CPNE8: variants seen among roughly 807,000 people sequenced by gnomAD.
The protein encoded by CPNE8 is copine 8.
CPNE8 carries 45 observed loss-of-function variants against 81.5 expected under a neutral mutation model. That is an observed-to-expected ratio of 0.55 (90% CI 0.44 to 0.71). The LOEUF is 0.71. CPNE8 is among the 30% of genes least tolerant of loss of function. The pLI is 0.00. For synonymous variants in CPNE8, 252 were observed against 226.3 expected (o/e 1.11, Z -1.02); for missense variants, 594 against 672.1 (o/e 0.88, Z 1.28).
rs138395899 is a variant in CPNE8 at position 38,792,896 on chromosome 12, G to C, written c.408-16595C>G. Among the ~76,000 whole-genome samples, 82 of 151,922 alleles carry C rather than the reference G, an allele frequency of 5.4e-4. 1 individual carries two copies. In the East Asian group the frequency reaches 0.015, roughly 28 times the overall value. On this transcript the variant is annotated intron_variant, in intron 6 of 19. Coordinates refer to ENST00000331366, the MANE Select transcript of CPNE8 (RefSeq NM_153634.3). ...AAGAATTATACACCATCACCAGCTG[G>C]TATTTATGTTTGGGATACAAGGATA... is the stretch of plus-strand genomic sequence containing the variant.
At chr12:38,664,322 A>C (rs1197629535) in intron 19 of CPNE8, among the ~76,000 whole-genome samples, 1 of 152,082 alleles carries the variant, frequency 6.6e-6, no homozygotes, top group Non-Finnish European at 1.5e-5. Flanking sequence ...GTTAAAACTT[A>C]AAGTGCTTAA....
intron 3 of CPNE8, among the ~76,000 whole-genome samples, chr12:38,862,297 A>G (rs1331454578): frequency 7.0e-6 from 1 of 142,206 alleles, no homozygotes; most frequent in Non-Finnish European, 1.5e-5. Flanking sequence ...CTCTTATATA[A>G]TCCTGAAGAT....
At chr12:38,755,758 C>T (rs1355992882) in intron 10 of CPNE8, among the ~76,000 whole-genome samples, 1 of 151,178 alleles carries the variant, frequency 6.6e-6, no homozygotes, top group Non-Finnish European at 1.5e-5. Context: ...GAACAGGTAA[C>T]GGCCGGGCGC....
intron 3 of CPNE8, among the ~76,000 whole-genome samples, chr12:38,862,660 A>G (rs1013907555): frequency 2.6e-5 from 4 of 152,210 alleles, no homozygotes; most frequent in African/African-American, 9.7e-5. Flanking sequence ...AGAACTTAGA[A>G]GAGAAAGGCT....
chr12:38,661,051 G>T (rs1384806617), intron 19 of CPNE8, among the ~76,000 whole-genome samples: 1 of 152,120 alleles, frequency 6.6e-6, no homozygotes, highest in African/African-American at 2.4e-5. Context: ...ACAGTGTGGC[G>T]ATTCCTCAAG....
At chr12:38,662,285 A>C (rs1171390508) in intron 19 of CPNE8, among the ~76,000 whole-genome samples, 2 of 152,162 alleles carry the variant, frequency 1.3e-5, no homozygotes, top group Non-Finnish European at 2.9e-5. Context: ...AACTGTCGGA[A>C]CTAATAAGTG....
At chr12:38,755,956 C>T (rs543841241) in intron 10 of CPNE8, among the ~76,000 whole-genome samples, 4 of 146,446 alleles carry the variant, frequency 2.7e-5, no homozygotes, top group Non-Finnish European at 6.0e-5. Flanking sequence ...AGGAGAATGA[C>T]GTGAACCCAG....
At position 38,661,296 on chromosome 12, in the gene CPNE8, A is replaced by G. The variant is rs558897008; in HGVS notation, c.1507-7226T>C. 5.9e-5 allele frequency among the ~76,000 whole-genome samples: 9 copies of G among 152,332 alleles called. No individual in the cohort carries two copies. In the East Asian group the frequency reaches 9.6e-4, roughly 16 times the overall value. ...TGCAACCATAAAAAAGGATGAGTTCATGTCCTTTGCAGGGACATGGATGAA... is the reference window on the plus strand; with the variant it reads ...TGCAACCATAAAAAAGGATGAGTTCGTGTCCTTTGCAGGGACATGGATGAA... On this transcript the variant is annotated intron_variant, in intron 19 of 19. Coordinates refer to ENST00000331366, the MANE Select transcript of CPNE8 (RefSeq NM_153634.3).
chr12:38,883,399 A>C (rs1405467633), intron 1 of CPNE8, among the ~76,000 whole-genome samples: 2 of 152,242 alleles, frequency 1.3e-5, no homozygotes, highest in African/African-American at 4.8e-5. Flanking sequence ...TAAAATAAAA[A>C]TTAGGCAGTA....
intron 2 of CPNE8, 150 bp downstream of exon 2, chr12:38,874,321 A>G (rs1243189547): frequency 1.7e-6 from 1 of 587,390 alleles, no homozygotes; most frequent in Non-Finnish European, 3.1e-6. Flanking sequence ...TACCCACAGT[A>G]CTGCCCGGGG....
intron 10 of CPNE8, among the ~76,000 whole-genome samples, chr12:38,732,472 C>A (rs903042454): frequency 6.6e-6 from 1 of 151,930 alleles, no homozygotes; most frequent in Non-Finnish European, 1.5e-5. Flanking sequence ...ATTTGTAAGC[C>A]TCTACAGAAT....
chr12:38,748,641 C>T (rs1350435312), intron 10 of CPNE8, among the ~76,000 whole-genome samples: 1 of 152,032 alleles, frequency 6.6e-6, no homozygotes, highest in East Asian at 2.0e-4. Flanking sequence ...GCTGGGACTA[C>T]AGGCACCCGC....
intron 6 of CPNE8, among the ~76,000 whole-genome samples, chr12:38,790,670 A>G (rs372971281): frequency 1.1e-4 from 17 of 151,876 alleles, no homozygotes; most frequent in African/African-American, 3.9e-4. Context: ...TGATGTGATT[A>G]TTACACATTG....
intron 6 of CPNE8, among the ~76,000 whole-genome samples, chr12:38,807,025 C>T (rs1942824647): frequency 1.3e-5 from 2 of 152,106 alleles, no homozygotes; most frequent in South Asian, 2.1e-4. Context: ...AATAAAATAC[C>T]TAGTAATCCA....
At chr12:38,867,191 T>G (rs1156564278) in intron 3 of CPNE8, among the ~76,000 whole-genome samples, 1 of 152,142 alleles carries the variant, frequency 6.6e-6, no homozygotes, top group East Asian at 1.9e-4. Context: ...GAAAGCCATA[T>G]TCTAAATGCT....
intron 3 of CPNE8, among the ~76,000 whole-genome samples, chr12:38,871,974 A>AAAAATAC (rs1943998964): frequency 6.6e-6 from 1 of 152,176 alleles, no homozygotes; most frequent in Non-Finnish European, 1.5e-5. Flanking sequence ...CGTCTCTACC[A>AAAAATAC]AAAATACAAA....
intron 5 of CPNE8, among the ~76,000 whole-genome samples, chr12:38,833,630 C>A (rs1277588893): frequency 6.6e-6 from 1 of 151,808 alleles, no homozygotes; most frequent in Non-Finnish European, 1.5e-5. Context: ...AGGCACTCGT[C>A]ACCACGCCCA....
At chr12:38,673,826 C>G (rs970633355) in intron 18 of CPNE8, among the ~76,000 whole-genome samples, 2 of 151,468 alleles carry the variant, frequency 1.3e-5, no homozygotes, top group African/African-American at 4.9e-5. Context: ...TCATTTGGAG[C>G]AGCACTATCC....
intron 14 of CPNE8, among the ~76,000 whole-genome samples, chr12:38,698,316 G>A (rs747245484): frequency 1.7e-4 from 26 of 152,294 alleles, no homozygotes; most frequent in Admixed American, 5.2e-4. Context: ...TCCCTCATGA[G>A]AGGTATGATT....
Sources: gnomAD v4.1 joint callset for allele counts (sites outside exome capture counted in the v4.1 genomes callset) on GRCh38, gnomAD v4.1.1 for gene constraint, MANE v1.5 for transcripts, NCBI Gene and HGNC (gene_info 2026-07-23, HGNC 2026-07-21) for gene names.